The following COX16 variants were observed in gnomAD, a reference collection of about 807,000 sequenced individuals.
COX16 encodes cytochrome c oxidase assembly protein COX16 homolog, mitochondrial.
In COX16, 12 loss-of-function variants were observed where a neutral mutation model predicts 15.4. That is an observed-to-expected ratio of 0.78 (90% CI 0.50 to 1.26). The LOEUF is 1.26. COX16 is among the 50% of genes most tolerant of loss of function. The pLI, the probability that COX16 is intolerant of heterozygous loss-of-function variation, is 0.00. For missense variants in COX16, 124 were observed against 127.6 expected (o/e 0.97, Z 0.14); for synonymous variants, 46 against 41.1 (o/e 1.12, Z -0.46).
At chr14:70,330,547 T>G (rs1366882419) in intron 2 of COX16, among the ~76,000 whole-genome samples, 1 of 152,178 alleles carries the variant, frequency 6.6e-6, no homozygotes, top group Non-Finnish European at 1.5e-5. Context: ...CAGCTTCATA[T>G]ATGAACACAA....
At chr14:70,351,191 T>C (rs1277252709) in intron 1 of COX16, among the ~76,000 whole-genome samples, 1 of 152,322 alleles carries the variant, frequency 6.6e-6, no homozygotes, top group East Asian at 1.9e-4. Flanking sequence ...TAACCACTGT[T>C]TCCAACTTAT....
intron 3 of COX16, among the ~76,000 whole-genome samples, chr14:70,328,560 G>GTTAGACTTTGACATTCCTATTA (rs1886168980): frequency 6.6e-6 from 1 of 152,024 alleles, no homozygotes; most frequent in African/African-American, 2.4e-5. Context: ...GTGATACCTC[G>GTTAGACTTTGACATTCCTATTA]TTAGACTTTG....
At chr14:70,351,643 T>G (rs899631795) in intron 1 of COX16, among the ~76,000 whole-genome samples, 3 of 152,304 alleles carry the variant, frequency 2.0e-5, no homozygotes, top group Admixed American at 2.0e-4. Flanking sequence ...AGTGAGAAAT[T>G]ATGTATTTTA....
intron 1 of COX16, among the ~76,000 whole-genome samples, chr14:70,357,997 TTCA>T (rs543276453): frequency 1.7e-3 from 252 of 152,320 alleles, no homozygotes; most frequent in Non-Finnish European, 2.0e-3. Flanking sequence ...AACCCAAATG[TTCA>T]TCAATTGATA....
intron 1 of COX16, among the ~76,000 whole-genome samples, chr14:70,346,627 A>G (rs1886791472): frequency 6.6e-6 from 1 of 152,166 alleles, no homozygotes; most frequent in African/African-American, 2.4e-5. Context: ...GGCAACTACC[A>G]TCGCTTCATC....
chr14:70,328,033 G>C (rs1461777379), intron 3 of COX16: 1 of 148,946 alleles, frequency 6.7e-6, no homozygotes, highest in Non-Finnish European at 1.5e-5. Context: ...ACACCAAAAG[G>C]ACTGTTCTTC....
At chr14:70,344,300 G>A (rs1886710524) in intron 1 of COX16, among the ~76,000 whole-genome samples, 1 of 152,150 alleles carries the variant, frequency 6.6e-6, no homozygotes, top group African/African-American at 2.4e-5. Flanking sequence ...TGGTCCCCAG[G>A]CAAGAAGGGA....
At chr14:70,356,614 A>G (rs188113101) in intron 1 of COX16, among the ~76,000 whole-genome samples, 111 of 152,338 alleles carry the variant, frequency 7.3e-4, no homozygotes, top group African/African-American at 2.6e-3. Context: ...CAAAGGAAAC[A>G]TCATAAAAAT....
intron 2 of COX16, among the ~76,000 whole-genome samples, chr14:70,336,264 AAAAAAC>A (rs146218837): frequency 0.47 from 70,695 of 150,828 alleles, 17,111 homozygotes; most frequent in South Asian, 0.56. Flanking sequence ...TCAAAAAAAC[AAAAAAC>A]AAAAACAAAA....
chr14:70,332,291 G>A (rs2140687450), intron 2 of COX16, among the ~76,000 whole-genome samples: 1 of 152,350 alleles, frequency 6.6e-6, no homozygotes, highest in Middle Eastern at 3.4e-3. Flanking sequence ...CAACATATCT[G>A]GCAGCCCAGG....
At chr14:70,350,346 T>G (rs1021262651) in intron 1 of COX16, among the ~76,000 whole-genome samples, 2 of 152,150 alleles carry the variant, frequency 1.3e-5, no homozygotes, top group Non-Finnish European at 2.9e-5. Flanking sequence ...TTTCGTCCCG[T>G]CCTCACTTGG....
chr14:70,358,438 C>A (rs568670806), intron 1 of COX16, among the ~76,000 whole-genome samples: 1 of 133,236 alleles, frequency 7.5e-6, no homozygotes, highest in Admixed American at 8.9e-5. Context: ...TGACCTAAAG[C>A]GATCCTCCTG....
intron 2 of COX16, among the ~76,000 whole-genome samples, chr14:70,341,351 A>G (rs1263172285): frequency 6.6e-6 from 1 of 152,232 alleles, no homozygotes; most frequent in Non-Finnish European, 1.5e-5. Flanking sequence ...CTCTAAAACC[A>G]TAAAATTAAC....
At chr14:70,351,129 C>T (rs1886940494) in intron 1 of COX16, among the ~76,000 whole-genome samples, 1 of 152,120 alleles carries the variant, frequency 6.6e-6, no homozygotes, top group African/African-American at 2.4e-5. Context: ...TAGTATTTTG[C>T]CTGAACTCAA....
At chr14:70,338,073 C>A (rs927170247) in intron 2 of COX16, among the ~76,000 whole-genome samples, 1 of 152,210 alleles carries the variant, frequency 6.6e-6, no homozygotes, top group Non-Finnish European at 1.5e-5. Flanking sequence ...TCTGTGGTTT[C>A]ATTAAAATCT....
chr14:70,353,477 T>C (rs2140753898), intron 1 of COX16, among the ~76,000 whole-genome samples: 1 of 142,926 alleles, frequency 7.0e-6, no homozygotes, highest in African/African-American at 2.4e-5. Context: ...TATATATACA[T>C]ACACACACAC....
At chr14:70,329,426 A>G (rs548199947) in intron 2 of COX16, among the ~76,000 whole-genome samples, 190 bp from the exon 3 acceptor site, 2 of 152,238 alleles carry the variant, frequency 1.3e-5, no homozygotes, top group South Asian at 4.1e-4. Flanking sequence ...AACTAAAAAG[A>G]GTTAATATCT....
chr14:70,335,603 T>TAAA (rs58611844), intron 2 of COX16, among the ~76,000 whole-genome samples: 6,321 of 136,706 alleles, frequency 0.046, 236 homozygotes, highest in African/African-American at 0.092. Flanking sequence ...ACCAAAGAGT[T>TAAA]AAAAAAAAAA....
At chr14:70,353,626 G>A (rs972740819) in intron 1 of COX16, among the ~76,000 whole-genome samples, 2 of 151,624 alleles carry the variant, frequency 1.3e-5, no homozygotes, top group African/African-American at 2.4e-5. Flanking sequence ...TAATTCTCCC[G>A]TCTCAGTCTC....
Sources: allele counts gnomAD v4.1 joint callset (sites outside exome capture counted in the v4.1 genomes callset), GRCh38; gene constraint gnomAD v4.1.1; transcripts MANE v1.5; gene names NCBI Gene and HGNC (gene_info 2026-07-23, HGNC 2026-07-21).